The following IQCM variants were observed in gnomAD, a reference collection of about 807,000 sequenced individuals.
IQCM encodes IQ domain-containing protein M.
In IQCM, 45 loss-of-function variants were observed where a neutral mutation model predicts 57.6. The ratio of observed to expected loss-of-function variants is 0.78; its 90% CI spans 0.62 to 1.00. The LOEUF is 1.00. IQCM is among the 50% of genes least tolerant of loss of function. The pLI is 0.00. For synonymous variants in IQCM, 148 were observed against 158.9 expected, an observed-to-expected ratio of 0.93 and a Z score of 0.51; for missense variants, 468 against 511.6, an observed-to-expected ratio of 0.91 and a Z score of 0.82.
intron 9 of IQCM, among the ~76,000 whole-genome samples, chr4:149,564,741 T>C (rs1236811705): frequency 6.6e-6 from 1 of 152,160 alleles, no homozygotes; most frequent in Non-Finnish European, 1.5e-5. Flanking sequence ...CTGGCTCTCC[T>C]TGCTCCTCAG....
At chr4:149,495,594 A>G (rs1400950619) in intron 12 of IQCM, among the ~76,000 whole-genome samples, 1 of 152,134 alleles carries the variant, frequency 6.6e-6, no homozygotes, top group African/African-American at 2.4e-5. Context: ...CAGTAGAGTA[A>G]ATATTGATTC....
intron 13 of IQCM, among the ~76,000 whole-genome samples, chr4:149,355,859 A>G (rs1241432333): frequency 6.6e-6 from 1 of 152,076 alleles, no homozygotes; most frequent in Non-Finnish European, 1.5e-5. Context: ...CAGTCCCACC[A>G]ACAGTGTAAA....
At position 149,815,343 on chromosome 4, in the gene IQCM, T is replaced by C. The variant is rs1055907919; in HGVS notation, c.-81A>G. On this transcript the variant is annotated 5_prime_UTR_variant, in exon 2 of 14. Coordinates refer to ENST00000636793, the MANE Select transcript of IQCM (RefSeq NM_001363507.2). ...TTTTTCATTCCAAGGTCATTTGTTC[T>C]TCTTCCTAGAAGGCACAGGAGAGTT... 6.6e-6 allele frequency: 1 copy of C among 151,918 alleles called. No homozygotes were observed. The highest frequency in any genetic ancestry group is 2.1e-4 in the South Asian group (1 of 4,828). 9.4% of individuals were successfully genotyped at this position (151,918 alleles called of 1,614,324 possible). A position where few individuals can be genotyped will look rare whatever the true frequency, so the allele number is the denominator to read the frequency against.
At chr4:149,647,526 G>A (rs1335738888) in intron 7 of IQCM, among the ~76,000 whole-genome samples, 3 of 151,754 alleles carry the variant, frequency 2.0e-5, no homozygotes, top group Admixed American at 6.6e-5. Context: ...ACTATCTTCA[G>A]GCTTTCATTA....
intron 13 of IQCM, among the ~76,000 whole-genome samples, chr4:149,430,599 T>C (rs921501661): frequency 6.6e-6 from 1 of 152,042 alleles, no homozygotes; most frequent in African/African-American, 2.4e-5. Context: ...TCATATAGTA[T>C]GTACTCTTTA....
chr4:149,401,490 CAT>C (rs1158559910), intron 13 of IQCM, among the ~76,000 whole-genome samples: 1 of 151,550 alleles, frequency 6.6e-6, no homozygotes, highest in African/African-American at 2.4e-5. Flanking sequence ...AGTTAAGGAC[CAT>C]ATATGTTTGA....
At chr4:149,631,677 T>C (rs1449423067) in intron 7 of IQCM, among the ~76,000 whole-genome samples, 1 of 152,108 alleles carries the variant, frequency 6.6e-6, no homozygotes, top group Non-Finnish European at 1.5e-5. Flanking sequence ...GTTTGATCAA[T>C]TTTTTTTCTG....
intron 5 of IQCM, among the ~76,000 whole-genome samples, chr4:149,732,931 G>A (rs1223274881): frequency 2.0e-5 from 3 of 152,156 alleles, no homozygotes; most frequent in Non-Finnish European, 4.4e-5. Flanking sequence ...CAGGGCTATC[G>A]TCCATGGCTG....
At chr4:149,543,640 A>C in intron 12 of IQCM, among the ~76,000 whole-genome samples, 1 of 151,294 alleles carries the variant, frequency 6.6e-6, no homozygotes, top group Non-Finnish European at 1.5e-5. Flanking sequence ...CTAGATGACA[A>C]GTTAGTGGGT....
intron 2 of IQCM, among the ~76,000 whole-genome samples, chr4:149,775,823 C>T (rs533963984): frequency 2.0e-5 from 3 of 152,134 alleles, no homozygotes; most frequent in African/African-American, 7.2e-5. Flanking sequence ...TTCCTTAATC[C>T]AAGGATTAAG....
At chr4:149,812,503 G>GAC (rs71596217) in intron 2 of IQCM, among the ~76,000 whole-genome samples, 4,102 of 132,060 alleles carry the variant, frequency 0.031, 104 homozygotes, top group African/African-American at 0.066. Context: ...CACACACACA[G>GAC]ACACACACAC....
At chr4:149,358,997 A>G (rs1285566480) in intron 13 of IQCM, among the ~76,000 whole-genome samples, 1 of 147,634 alleles carries the variant, frequency 6.8e-6, no homozygotes, top group East Asian at 2.0e-4. Flanking sequence ...GTAAAAAGAA[A>G]GAAAAAATGA....
At chr4:149,369,513 C>A (rs7349702) in intron 13 of IQCM, among the ~76,000 whole-genome samples, 27,429 of 152,100 alleles carry the variant, frequency 0.18, 3,006 homozygotes, top group Non-Finnish European at 0.25. Context: ...TATTCCTTAA[C>A]CTTCATTTGT....
chr4:149,456,721 T>C (rs1737743483), intron 12 of IQCM, among the ~76,000 whole-genome samples: 1 of 152,068 alleles, frequency 6.6e-6, no homozygotes, highest in Admixed American at 6.6e-5. Flanking sequence ...TCTTATAACC[T>C]ACTTTAGAGA....
intron 12 of IQCM, among the ~76,000 whole-genome samples, chr4:149,435,009 C>A (rs1379691962): frequency 6.6e-6 from 1 of 152,092 alleles, no homozygotes; most frequent in Non-Finnish European, 1.5e-5. Flanking sequence ...CCGTGTACTC[C>A]ACCATTCACT....
At chr4:149,637,162 GA>G (rs1021089498) in intron 7 of IQCM, among the ~76,000 whole-genome samples, 2,802 of 99,542 alleles carry the variant, frequency 0.028, 50 homozygotes, top group South Asian at 0.18. Flanking sequence ...AAAAAAAAAA[GA>G]AAAAAAAAAA....
chr4:149,708,346 A>T (rs1764311553), intron 5 of IQCM, among the ~76,000 whole-genome samples: 1 of 152,002 alleles, frequency 6.6e-6, no homozygotes, highest in South Asian at 2.1e-4. Context: ...AGCTGAAAAG[A>T]CTGTAAAATT....
intron 5 of IQCM, among the ~76,000 whole-genome samples, chr4:149,694,561 A>C (rs545223147): frequency 3.2e-4 from 48 of 150,748 alleles, no homozygotes; most frequent in South Asian, 1.0e-3. Flanking sequence ...CACACACACA[A>C]AAAACAGCAT....
intron 12 of IQCM, among the ~76,000 whole-genome samples, chr4:149,492,070 A>G (rs552082882): frequency 2.0e-5 from 3 of 151,968 alleles, no homozygotes; most frequent in African/African-American, 4.8e-5. Flanking sequence ...AGAAATGTCT[A>G]TTCAGATCTT....
Sources: gnomAD v4.1 joint callset for allele counts (sites outside exome capture counted in the v4.1 genomes callset) on GRCh38, gnomAD v4.1.1 for gene constraint, MANE v1.5 for transcripts, NCBI Gene and HGNC (gene_info 2026-07-23, HGNC 2026-07-21) for gene names.